Variants in SUN1 observed in about 807,000 individuals in gnomAD.
The protein encoded by SUN1 is SUN domain-containing protein 1.
SUN1 carries 61 observed loss-of-function variants against 103.2 expected under a neutral mutation model. The observed-to-expected ratio is 0.59, with a 90% CI of 0.48 to 0.73. SUN1 has a LOEUF of 0.73. Ranked by LOEUF, SUN1 falls within the 30% of genes least tolerant of loss-of-function variation. The pLI, the probability that SUN1 is intolerant of heterozygous loss-of-function variation, is 0.00. For missense variants in SUN1, 1,052 were observed against 1,034.6 expected, an observed-to-expected ratio of 1.02 and a Z score of -0.23; for synonymous variants, 490 against 425.7, an observed-to-expected ratio of 1.15 and a Z score of -1.86.
intron 5 of SUN1, among the ~76,000 whole-genome samples, chr7:846,645 G>C (rs1179511973): frequency 1.3e-5 from 2 of 152,128 alleles, no homozygotes; most frequent in Non-Finnish European, 2.9e-5. Context: ...GGAGGCGGAG[G>C]TGGGAGGATC....
At position 868,461 on chromosome 7, in the gene SUN1, C is replaced by T. The variant is rs150859125; in HGVS notation, c.1981-888C>T. 1.1e-3 allele frequency: 330 copies of T among 297,164 alleles called. 4 individuals carry two copies. Among genetic ancestry groups the T allele is most frequent in the African/African-American group, 6.9e-3 (304 of 44,364 alleles). 18.4% of individuals were successfully genotyped at this position (297,164 alleles called of 1,614,324 possible). A position where few individuals can be genotyped will look rare whatever the true frequency, so the allele number is the denominator to read the frequency against. ...GGTTAGAACGTGCATTTTCCCAGGG[C>T]ATCAGCAGCTGACCCTTGATGTTGG... On this transcript the variant is annotated intron_variant, in intron 16 of 18. Transcript: ENST00000401592.
chr7:850,136 A>G, intron 5 of SUN1: 1 of 1,049,300 alleles, frequency 9.5e-7, no homozygotes, highest in Non-Finnish European at 1.4e-6. Context: ...GTCTTGCTGT[A>G]AAAACTGACA....
At chr7:872,120 A>G (rs535096655) in intron 17 of SUN1, among the ~76,000 whole-genome samples, 263 of 152,148 alleles carry the variant, frequency 1.7e-3, no homozygotes, top group African/African-American at 6.1e-3. Flanking sequence ...GGTGCTCCAG[A>G]GCTTCCACTG....
upstream of SUN1, among the ~76,000 whole-genome samples, chr7:830,223 T>C (rs940832146): frequency 6.6e-6 from 1 of 152,206 alleles, no homozygotes; most frequent in East Asian, 1.9e-4. Flanking sequence ...AGCACCTGCC[T>C]TGGGGACGCT....
At position 872,462 on chromosome 7, in the gene SUN1, G is replaced by T; in HGVS notation, c.2149-8G>T. 6.3e-7 allele frequency: 1 copy of T among 1,592,770 alleles called. No individual in the cohort carries two copies. The highest frequency in any genetic ancestry group is 8.6e-7 in the Non-Finnish European group (1 of 1,168,888). ...TTCGTTCATAATTGTGTATGGTCTT[G>T]TTTTCAGGGATTAGAAAATGAGTAT... On this transcript the variant is annotated splice_polypyrimidine_tract_variant and splice_region_variant and intron_variant, in intron 17 of 18. Transcript: ENST00000401592.
rs763491274 is a variant in SUN1 at position 838,901 on chromosome 7, A to G, written c.181A>G (p.Thr61Ala). The change falls in exon 2 of 19, where the codon ACA becomes GCA. Residue 61 changes from threonine (T) to alanine (A), a missense_variant. By Grantham distance (58) the Thr-to-Ala change is moderately conservative. Transcript: ENST00000401592. ...MSRRSLRLAT[T>A]ACTLGDGEAV... is the part of the protein sequence containing the mutation. ...CCGCCGTAGTTTGCGCCTGGCCACG[A>G]CAGCATGCACCCTGGGGGATGGTGA... is the stretch of plus-strand genomic sequence containing the variant. 6.2e-7 allele frequency: 1 copy of G among 1,611,160 alleles called. No homozygotes were observed. The highest frequency in any genetic ancestry group is 8.5e-7 in the Non-Finnish European group (1 of 1,179,130).
chr7:821,811 C>A lies in SUN1; in HGVS notation c.-74+5138C>A, dbSNP rs759383781. On this transcript the variant is annotated intron_variant, in intron 1 of 17. Transcript: ENST00000389574. ...TCCAGTTAAGCGGTCCTGAACACAGCGGGAAAGGGAGTTCCCACATCGGGG... is the reference window on the plus strand; with the variant it reads ...TCCAGTTAAGCGGTCCTGAACACAGAGGGAAAGGGAGTTCCCACATCGGGG... Among the ~76,000 whole-genome samples the A allele has an allele frequency of 2.0e-5, 3 of 152,116 alleles. No homozygotes were observed. The East Asian group carries it at 5.8e-4, about 29-fold the overall frequency.
intron 1 of SUN1, among the ~76,000 whole-genome samples, chr7:825,168 C>G (rs1790449201): frequency 6.6e-6 from 1 of 152,082 alleles, no homozygotes; most frequent in Non-Finnish European, 1.5e-5. Context: ...ACGCCATTCT[C>G]CTGCCTCAGC....
At chr7:863,146 A>G (rs1030188016) in intron 15 of SUN1, among the ~76,000 whole-genome samples, 2 of 152,104 alleles carry the variant, frequency 1.3e-5, no homozygotes, top group Non-Finnish European at 2.9e-5. Flanking sequence ...CATCTCAAAA[A>G]CAAAAAACAA....
chr7:826,292 G>GTTTGACAACCCCGGTCTGGGGTGGT (rs1421523701), intron 1 of SUN1, among the ~76,000 whole-genome samples: 1 of 11,186 alleles, frequency 8.9e-5, no homozygotes, highest in African/African-American at 3.2e-4. Context: ...GCTAGCTGCC[G>GTTTGACAACCCCGGTCTGGGGTGGT]TTTGACAACC....
rs562185040 is a variant in SUN1 at position 864,812 on chromosome 7, A to G, written c.1865-1140A>G. Reference sequence around the variant, plus strand: ...CCCGGCTAATTTTCATATTTTTAGTAGAGATGGAGTTTCACCATGTTGGTC... The same window carrying G: ...CCCGGCTAATTTTCATATTTTTAGTGGAGATGGAGTTTCACCATGTTGGTC... On this transcript the variant is annotated intron_variant, in intron 15 of 18. Coordinates refer to ENST00000401592, the MANE Select transcript of SUN1 (RefSeq NM_001130965.3). 1.4e-3 allele frequency among the ~76,000 whole-genome samples: 215 copies of G among 152,222 alleles called. 2 individuals are homozygous for G. The highest frequency in any genetic ancestry group is 4.8e-3 in the African/African-American group (201 of 41,534).
At chr7:837,447 T>G (rs970215113) in intron 1 of SUN1, among the ~76,000 whole-genome samples, 1 of 151,388 alleles carries the variant, frequency 6.6e-6, no homozygotes, top group African/African-American at 2.5e-5. Context: ...TCAATTTTTT[T>G]CAATCTTTTG....
intron 1 of SUN1, among the ~76,000 whole-genome samples, chr7:819,080 C>T (rs1176282664): frequency 6.6e-6 from 1 of 152,092 alleles, no homozygotes; most frequent in Non-Finnish European, 1.5e-5. Flanking sequence ...TCAGGCTGGT[C>T]TCAAACTCCC....
chr7:848,962 T>C (rs962169917), intron 5 of SUN1, among the ~76,000 whole-genome samples: 2 of 152,242 alleles, frequency 1.3e-5, no homozygotes, highest in Non-Finnish European at 2.9e-5. Context: ...GAACTTTTTT[T>C]CTTTTTGAGA....
At position 873,256 on chromosome 7, in the gene SUN1, G is replaced by T. The variant is rs1460441445; in HGVS notation, c.2283G>T (p.Arg761=). The T allele has an allele frequency of 6.2e-7, 1 of 1,614,200 alleles. No homozygotes were observed. Among genetic ancestry groups the T allele is most frequent in the Admixed American group, 1.7e-5 (1 of 60,030 alleles). The change falls in exon 19 of 19, where the codon CGG becomes CGT. Residue 761 remains arginine (R), a synonymous_variant. Transcript: ENST00000401592. ...CAGCTTTCCAAATAGTGGAACTTCG[G>T]ATTTTTTCTAACTGGGGCCATCCTG... The part of the protein sequence containing the change: ...DDTAFQIVEL[R]IFSNWGHPEY...
At position 869,445 on chromosome 7, in the gene SUN1, C is replaced by A. The variant is rs1219148966; in HGVS notation, c.2077C>A (p.Leu693Met). The A allele has an allele frequency of 6.2e-7, 1 of 1,613,962 alleles. No individual in the cohort carries two copies. Among genetic ancestry groups the A allele is most frequent in the Non-Finnish European group, 8.5e-7 (1 of 1,179,906 alleles). ...SMMIHPAAFT[L>M]EHIPKTLSPT... ...GATGATCCACCCAGCCGCCTTCACTCTGGAGCACATCCCTAAGACGCTGTC... is the reference window on the plus strand; with the variant it reads ...GATGATCCACCCAGCCGCCTTCACTATGGAGCACATCCCTAAGACGCTGTC... Residue 693 changes from leucine to methionine, a missense_variant, in exon 17 of 19, where the codon CTG (leucine) becomes ATG (methionine). Coordinates refer to ENST00000401592, the MANE Select transcript of SUN1 (RefSeq NM_001130965.3).
chr7:842,247 AG>A (rs1418500457), intron 3 of SUN1, 117 bp downstream of exon 3: 88 of 1,149,602 alleles, frequency 7.7e-5, no homozygotes, highest in Admixed American at 1.1e-4. Flanking sequence ...TGCTAGGGAG[AG>A]GGAGGCTGTG....
intron 5 of SUN1, 157 bp from the exon 6 acceptor site, chr7:851,227 A>T (rs1744091857): frequency 3.6e-6 from 2 of 561,268 alleles, no homozygotes. Flanking sequence ...GCCAGCACTT[A>T]CAAGAGTTAT....
chr7:864,153 G>A (rs1474225211), intron 15 of SUN1, among the ~76,000 whole-genome samples: 2 of 152,030 alleles, frequency 1.3e-5, no homozygotes, highest in Admixed American at 6.6e-5. Flanking sequence ...TTTTGATACA[G>A]GCATGCAATG....
Sources: gnomAD v4.1 joint callset for allele counts (sites outside exome capture counted in the v4.1 genomes callset) on GRCh38, gnomAD v4.1.1 for gene constraint, MANE v1.5 for transcripts, NCBI Gene and HGNC (gene_info 2026-07-23, HGNC 2026-07-21) for gene names.